Variants in TLN2 observed in about 807,000 individuals in gnomAD.
TLN2 encodes the protein talin-2.
Under a neutral mutation model 294.7 loss-of-function variants are expected in TLN2, and 118 were observed. That is an observed-to-expected ratio of 0.40 (90% confidence interval 0.34 to 0.47). The LOEUF (loss-of-function observed/expected upper bound fraction) is 0.47, where lower values mean the gene tolerates loss of function less well. Ranked by LOEUF, TLN2 falls within the 20% of genes least tolerant of loss-of-function variation. TLN2 has a pLI of 0.84. For missense variants in TLN2, 3,083 were observed against 3,282.2 expected (o/e 0.94, Z 1.48); for synonymous variants, 1,431 against 1,304.5 (o/e 1.10, Z -2.09).
chr15:62,717,594 G>A lies in TLN2; in HGVS notation c.2782G>A (p.Ala928Thr), dbSNP rs776142002. Reference protein sequence around the residue: ...NRLEVAAKQAAAAATQTIAAS... With the variant: ...NRLEVAAKQATAAATQTIAAS... ...TCTGCAGGTTGCAGCCAAGCAGGCC[G>A]CAGCGGCAGCCACACAGACCATCGC... The change falls in exon 24 of 59, where the codon GCA becomes ACA. Residue 928 changes from alanine to threonine, a missense_variant. Transcript: ENST00000636159. 58 of 1,581,502 alleles carry A rather than the reference G, an allele frequency of 3.7e-5. 2 individuals are homozygous for A. The highest frequency in any genetic ancestry group is 3.3e-4 in the South Asian group (28 of 85,102).
chr15:62,604,241 G>A (rs899176629), intron 2 of TLN2, among the ~76,000 whole-genome samples: 8 of 152,088 alleles, frequency 5.3e-5, no homozygotes, highest in Admixed American at 5.2e-4. Context: ...TCAAGGCGGG[G>A]CATGGTGGCT....
intron 3 of TLN2, among the ~76,000 whole-genome samples, chr15:62,645,615 C>T (rs1293035837): frequency 1.3e-5 from 2 of 152,130 alleles, no homozygotes; most frequent in Admixed American, 6.5e-5. Flanking sequence ...GAAGCTGAGA[C>T]CCTGGAGGCA....
chr15:62,417,579 C>A (rs1044777057), intron 1 of TLN2, among the ~76,000 whole-genome samples: 1 of 152,192 alleles, frequency 6.6e-6, no homozygotes, highest in Non-Finnish European at 1.5e-5. Flanking sequence ...ATTGTTTTCC[C>A]TGCCTGAGTC....
Position 62,457,275 on chromosome 15 carries a change from C to T in TLN2, c.-238+66590C>T, listed in dbSNP as rs370668401. Among the ~76,000 whole-genome samples, 42 of 152,136 alleles carry T rather than the reference C, an allele frequency of 2.8e-4. 1 individual carries two copies. The highest frequency in any genetic ancestry group is 8.0e-4 in the African/African-American group (33 of 41,436). On this transcript the variant is annotated intron_variant, in intron 1 of 58. Coordinates refer to ENST00000636159, the MANE Select transcript of TLN2 (RefSeq NM_015059.3). ...GAGCGAGAGAGGGAGAGCGTGCGAG[C>T]GTGCATGCACAGGCAGGCTCTCTGG...
chr15:62,836,020 G>A lies in TLN2; in HGVS notation c.7321G>A (p.Val2441Met). ...CGCCGCTTCCACGGCTCAGCTGCTG[G>A]TGGCCTGCAAGGTGAAGGCCGACCA... ...QVAASTAQLL[V>M]ACKVKADQDS... The change falls in exon 57 of 59, where the codon GTG (valine) becomes ATG (methionine). Residue 2441 changes from valine (V) to methionine (M), a missense_variant. Transcript: ENST00000636159. 1 of 1,613,120 alleles carries A rather than the reference G, an allele frequency of 6.2e-7. No individual in the cohort carries two copies. The highest frequency in any genetic ancestry group is 8.5e-7 in the Non-Finnish European group (1 of 1,179,598).
intron 1 of TLN2, among the ~76,000 whole-genome samples, chr15:62,508,192 A>G (rs980405686): frequency 5.3e-5 from 8 of 152,026 alleles, no homozygotes; most frequent in Non-Finnish European, 1.0e-4. Flanking sequence ...TTTAAGCCCT[A>G]TAGATGATTT....
At chr15:62,825,252 A>G (rs1195367239) in intron 54 of TLN2, among the ~76,000 whole-genome samples, 1 of 152,304 alleles carries the variant, frequency 6.6e-6, no homozygotes, top group Non-Finnish European at 1.5e-5. Context: ...GTCCAGTTAC[A>G]TTGTTTGACT....
chr15:62,688,200 GAA>G (rs1159130848), intron 12 of TLN2, among the ~76,000 whole-genome samples: 2 of 152,128 alleles, frequency 1.3e-5, no homozygotes, highest in Non-Finnish European at 2.9e-5. Flanking sequence ...GCAAAAGAGA[GAA>G]TAACAGTATT....
At chr15:62,562,280 GTTTAAC>G (rs748124273) in intron 1 of TLN2, among the ~76,000 whole-genome samples, 40 of 152,202 alleles carry the variant, frequency 2.6e-4, no homozygotes, top group African/African-American at 8.7e-4. Flanking sequence ...CCTTGTCTCT[GTTTAAC>G]TTTAAGATTC....
intron 1 of TLN2, among the ~76,000 whole-genome samples, chr15:62,519,791 A>G (rs2040367185): frequency 6.6e-6 from 1 of 152,248 alleles, no homozygotes; most frequent in South Asian, 2.1e-4. Flanking sequence ...CGTGCATATG[A>G]AATTGAAGTT....
intron 1 of TLN2, among the ~76,000 whole-genome samples, chr15:62,520,871 T>G (rs2040423587): frequency 6.6e-6 from 1 of 152,238 alleles, no homozygotes; most frequent in African/African-American, 2.4e-5. Context: ...CTTTTAATTT[T>G]TATGTACTTG....
intron 3 of TLN2, among the ~76,000 whole-genome samples, chr15:62,642,784 A>G (rs564662044): frequency 1.2e-4 from 18 of 151,632 alleles, no homozygotes; most frequent in African/African-American, 2.9e-4. Context: ...TGCGGGTTCA[A>G]TGAGCCTCCC....
chr15:62,698,642 G>A, intron 15 of TLN2, 112 bp from the exon 16 acceptor site: 1 of 792,968 alleles, frequency 1.3e-6, no homozygotes, highest in East Asian at 2.6e-5. Flanking sequence ...TTGAGATGTA[G>A]CCTGGGCTGC....
chr15:62,449,614 G>A (rs1325980774), intron 1 of TLN2, among the ~76,000 whole-genome samples: 6 of 151,816 alleles, frequency 4.0e-5, no homozygotes, highest in African/African-American at 1.5e-4. Context: ...GAGCCCAGGA[G>A]TTAAAAAAAT....
intron 1 of TLN2, among the ~76,000 whole-genome samples, chr15:62,460,166 A>G (rs2036713261): frequency 6.6e-6 from 1 of 152,178 alleles, no homozygotes; most frequent in Non-Finnish European, 1.5e-5. Flanking sequence ...CAAAGGTGGA[A>G]GAAGATTGCA....
chr15:62,812,868 A>T (rs902898971), intron 52 of TLN2, among the ~76,000 whole-genome samples: 7 of 152,228 alleles, frequency 4.6e-5, no homozygotes, highest in Non-Finnish European at 4.4e-5. Context: ...CTCTAGGAAC[A>T]TTATAGAAGG....
chr15:62,671,727 A>T (rs1229800407), intron 9 of TLN2, among the ~76,000 whole-genome samples: 1 of 152,154 alleles, frequency 6.6e-6, no homozygotes. Context: ...ATTTATTATT[A>T]TGTCCTCCTT....
intron 1 of TLN2, among the ~76,000 whole-genome samples, chr15:62,585,960 ATAT>A (rs2045566761): frequency 6.6e-6 from 1 of 152,190 alleles, no homozygotes; most frequent in African/African-American, 2.4e-5. Context: ...TGCATCAGAC[ATAT>A]TATCTCCTTT....
In TLN2 at chr15:62,766,353, G is replaced by A. The variant is rs753082619; in HGVS notation, c.5127G>A (p.Gln1709=). ...ALQEQLTSVV[Q]EIGHLIDPIA... ...AGGAGCAGCTGACTTCGGTGGTCCA[G>A]GAAATCGGACACCTTATCGATCCCA... The change falls in exon 41 of 59, where the codon CAG becomes CAA. Residue 1709 remains glutamine, a synonymous_variant. Coordinates refer to ENST00000636159, the MANE Select transcript of TLN2 (RefSeq NM_015059.3). 1.4e-5 allele frequency: 22 copies of A among 1,613,278 alleles called. No individual in the cohort carries two copies. Among genetic ancestry groups the A allele is most frequent in the Non-Finnish European group, 1.9e-5 (22 of 1,179,424 alleles).
Sources: allele counts gnomAD v4.1 joint callset (sites outside exome capture counted in the v4.1 genomes callset), GRCh38; gene constraint gnomAD v4.1.1; transcripts MANE v1.5; gene names NCBI Gene and HGNC (gene_info 2026-07-23, HGNC 2026-07-21).